Variants in ANO7 observed in about 807,000 individuals in gnomAD.
ANO7 encodes anoctamin 7, also known as anoctamin-7.
Under a neutral mutation model 115.8 loss-of-function variants are expected in ANO7, and 114 were observed. The observed-to-expected ratio is 0.98, with a 90% CI of 0.85 to 1.15. The LOEUF is 1.15. ANO7 is among the 50% of genes most tolerant of loss of function. The pLI is 0.00. For missense variants in ANO7, 1,302 were observed against 1,201.2 expected (o/e 1.08, Z -1.24); for synonymous variants, 550 against 498.2 (o/e 1.10, Z -1.38).
Position 241,203,326 on chromosome 2 carries a change from C to T in ANO7, c.724-7C>T. The stretch of plus-strand genomic sequence containing the variant: ...GAGCCTCCCACCCACAGGCCGCTCG[C>T]CCCCAGGGCCCCTTCAAGACGCCCC... On this transcript the variant is annotated splice_region_variant and splice_polypyrimidine_tract_variant and intron_variant, in intron 8 of 24. Coordinates refer to ENST00000674324, the MANE Select transcript of ANO7 (RefSeq NM_001370694.2). The surrounding 1 kb of genome is among the most constrained non-coding windows in gnomAD (Gnocchi z 4.8). 2.0e-6 allele frequency: 3 copies of T among 1,523,082 alleles called. No individual in the cohort carries two copies. Among genetic ancestry groups the T allele is most frequent in the South Asian group, 2.6e-5 (2 of 78,310 alleles). The allele number at this position is 1,523,082 out of a possible 1,614,324, so 94.3% of individuals were successfully genotyped here.
chr2:241,236,251 G>C, the ANO7 span: 3 of 300,108 alleles, frequency 1.0e-5, no homozygotes, highest in African/African-American at 2.1e-5. Context: ...CACACAAGGT[G>C]AGCTAGGCCT....
rs755812558 is a variant in ANO7, at chr2:241,224,472, TCTC to T, written c.*323_*325del. On this transcript the variant is annotated 3_prime_UTR_variant, in exon 25 of 25. Coordinates refer to ENST00000674324, the MANE Select transcript of ANO7 (RefSeq NM_001370694.2). The stretch of plus-strand genomic sequence containing the variant: ...TCCCCAGGCCCCTGGACACGACAGT[TCTC>T]CTCAGGCAGGTGGGCTTTGTGGTCC... The T allele has an allele frequency of 1.3e-5, 5 of 381,180 alleles. No individual in the cohort carries two copies. Among genetic ancestry groups the T allele is most frequent in the African/African-American group, 4.1e-5 (2 of 48,656 alleles). The allele number at this position is 381,180 out of a possible 1,614,324, so 23.6% of individuals were successfully genotyped here. A position where few individuals can be genotyped will look rare whatever the true frequency, so the allele number is the denominator to read the frequency against.
chr2:241,212,753 G>A, intron 17 of ANO7, 127 bp downstream of exon 17: 1 of 1,098,904 alleles, frequency 9.1e-7, no homozygotes, highest in Non-Finnish European at 1.3e-6. Flanking sequence ...CCCAGCCAGG[G>A]CCAGCTGTGC....
intron 4 of ANO7, among the ~76,000 whole-genome samples, chr2:241,197,433 C>G (rs919128817): frequency 2.0e-5 from 3 of 151,838 alleles, no homozygotes; most frequent in African/African-American, 7.3e-5. Context: ...TTGCCCTGGC[C>G]GGAGTGCAGT....
chr2:241,238,782 A>T, the ANO7 span: 4 of 1,503,734 alleles, frequency 2.7e-6, no homozygotes, highest in Non-Finnish European at 3.6e-6. This position sits in a 1 kb window ranked among gnomAD's most constrained non-coding sequence, Gnocchi z 4.9. Context: ...ATGTCACCTG[A>T]GCTTCCTGGA....
chr2:241,225,975 A>G lies in ANO7; in HGVS notation c.*1822A>G, dbSNP rs74886538. Among the ~76,000 whole-genome samples the G allele has an allele frequency of 4.5e-3, 690 of 152,180 alleles. 2 individuals carry two copies. The highest frequency in any genetic ancestry group is 0.016 in the African/African-American group (654 of 41,476). ...TTTATTGTTGCTGTCTTAAACTCCA[A>G]AGTTTTAAGGTGAATTTATTGAAAC... On this transcript the variant is annotated 3_prime_UTR_variant, in exon 25 of 25. Transcript: ENST00000674324.
At chr2:241,212,894 A>G (rs989132116) in intron 17 of ANO7, 3 of 454,390 alleles carry the variant, frequency 6.6e-6, no homozygotes, top group Non-Finnish European at 1.2e-5. Flanking sequence ...GCACTTAGGG[A>G]GGCTGAGGGA....
chr2:241,216,260 C>T lies in ANO7; in HGVS notation c.1972+22C>T, dbSNP rs200961636. On this transcript the variant is annotated intron_variant, in intron 19 of 24. Transcript: ENST00000674324. ...ATGGGTAGGAGCCCGTTAGCAGCTG[C>T]GGCAATGGCTGGCGCCGTGGGCAGG... 6.7e-5 allele frequency: 105 copies of T among 1,560,428 alleles called. 1 individual carries two copies. Among genetic ancestry groups the T allele is most frequent in the South Asian group, 6.5e-4 (55 of 84,716 alleles).
chr2:241,223,453 G>C, intron 22 of ANO7, 177 bp downstream of exon 22: 7 of 1,035,438 alleles, frequency 6.8e-6, no homozygotes, highest in Admixed American at 4.0e-5. Context: ...TCCCTGGGTT[G>C]TGGTGTGGAC....
chr2:241,214,366 A>G (rs1010727485), intron 17 of ANO7, among the ~76,000 whole-genome samples: 2 of 152,200 alleles, frequency 1.3e-5, no homozygotes, highest in Non-Finnish European at 2.9e-5. Context: ...TCTGGAGGGA[A>G]GGTGCCCTGC....
intron 17 of ANO7, among the ~76,000 whole-genome samples, chr2:241,213,656 G>C (rs532450925): frequency 2.0e-5 from 3 of 152,346 alleles, no homozygotes; most frequent in African/African-American, 7.2e-5. Flanking sequence ...GGGGTCGCAG[G>C]CAGCAGGGTG....
At chr2:241,223,511 G>A (rs2069077077) in intron 22 of ANO7, 151 bp from the exon 23 acceptor site, 1 of 1,271,050 alleles carries the variant, frequency 7.9e-7, no homozygotes, top group Non-Finnish European at 1.1e-6. Flanking sequence ...AGCTGGGGTG[G>A]CCTCTGCCCC....
downstream of ANO7, chr2:241,227,383 C>A (rs1371927726): frequency 6.6e-6 from 1 of 152,490 alleles, no homozygotes; most frequent in Non-Finnish European, 1.5e-5. Context: ...TCTCCAAATT[C>A]CAAAGTTAAG....
chr2:241,234,304 G>A, the ANO7 span, among the ~76,000 whole-genome samples: 8 of 152,188 alleles, frequency 5.3e-5, no homozygotes, highest in Non-Finnish European at 1.0e-4. Context: ...GGGATCTGAT[G>A]GATACGCACA....
At chr2:241,204,657 T>A (rs1248584052) in intron 9 of ANO7, among the ~76,000 whole-genome samples, 2 of 151,968 alleles carry the variant, frequency 1.3e-5, no homozygotes, top group Non-Finnish European at 2.9e-5. Flanking sequence ...GGTAGGGGTG[T>A]CCAGAGTCTA....
chr2:241,198,216 C>T (rs1187207275), intron 4 of ANO7, among the ~76,000 whole-genome samples: 1 of 152,168 alleles, frequency 6.6e-6, no homozygotes, highest in Non-Finnish European at 1.5e-5. Flanking sequence ...GGAGCAGCCC[C>T]TACTTGCCAC....
At chr2:241,207,547 C>A in intron 10 of ANO7, 27 bp from the exon 11 acceptor site, 1 of 1,605,216 alleles carries the variant, frequency 6.2e-7, no homozygotes, top group Non-Finnish European at 8.5e-7. Flanking sequence ...CCCATTAGCT[C>A]CCACCCCTCC....
intron 21 of ANO7, among the ~76,000 whole-genome samples, chr2:241,221,997 G>A (rs370695177): frequency 4.0e-4 from 61 of 152,270 alleles, no homozygotes; most frequent in African/African-American, 1.4e-3. Flanking sequence ...CACTGTGGGA[G>A]GCCGAGGCCG....
chr2:241,236,761 T>C, the ANO7 span: 2 of 1,614,042 alleles, frequency 1.2e-6, no homozygotes, highest in Non-Finnish European at 8.5e-7. Context: ...ACTGGCTCTG[T>C]ACTGTGAACT....
Sources: gnomAD v4.1 joint callset for allele counts (sites outside exome capture counted in the v4.1 genomes callset) on GRCh38, gnomAD v4.1.1 for gene constraint, Gnocchi (gnomAD v3.1) non-coding constraint, MANE v1.5 for transcripts, NCBI Gene and HGNC (gene_info 2026-07-23, HGNC 2026-07-21) for gene names.